Variants in C1orf116 observed in about 807,000 individuals in gnomAD.
C1orf116 encodes specifically androgen-regulated gene protein.
In C1orf116, 12 loss-of-function variants were observed where a neutral mutation model predicts 14.1. That is an observed-to-expected ratio of 0.85 (90% CI 0.54 to 1.38). The LOEUF is 1.38. C1orf116 is among the 40% of genes most tolerant of loss of function. The pLI, the probability that C1orf116 is intolerant of heterozygous loss-of-function variation, is 0.00. For missense variants in C1orf116, 797 were observed against 747.0 expected (o/e 1.07, Z -0.78); for synonymous variants, 296 against 299.0 (o/e 0.99, Z 0.10).
intron 3 of C1orf116, among the ~76,000 whole-genome samples, chr1:207,024,269 A>G (rs1681984042): frequency 6.6e-6 from 1 of 152,242 alleles, no homozygotes; most frequent in South Asian, 2.1e-4. Flanking sequence ...TATTTGCTAA[A>G]TGAAACAACA....
intron 1 of C1orf116, among the ~76,000 whole-genome samples, chr1:207,029,929 A>C (rs1032986107): frequency 6.6e-6 from 1 of 152,240 alleles, no homozygotes; most frequent in Admixed American, 6.5e-5. Flanking sequence ...GGGTGAGCAG[A>C]TGCTGCCTCT....
chr1:207,027,739 G>T, intron 1 of C1orf116, 60 bp from the exon 2 acceptor site: 1 of 1,446,878 alleles, frequency 6.9e-7, no homozygotes, highest in Non-Finnish European at 9.1e-7. Flanking sequence ...CTCTGCCCAG[G>T]CCCTGGGCGG....
At chr1:207,024,571 C>T (rs1682011608) in intron 3 of C1orf116, among the ~76,000 whole-genome samples, 1 of 152,242 alleles carries the variant, frequency 6.6e-6, no homozygotes, top group Non-Finnish European at 1.5e-5. Flanking sequence ...CCCAGCCCTC[C>T]CTGACTCCCT....
At chr1:207,023,918 A>G (rs1381130101) in intron 3 of C1orf116, among the ~76,000 whole-genome samples, 3 of 152,188 alleles carry the variant, frequency 2.0e-5, no homozygotes, top group African/African-American at 7.2e-5. Context: ...ACCTCTCCCC[A>G]GTTTTCTACA....
chr1:207,027,775 C>G, intron 1 of C1orf116, 96 bp from the exon 2 acceptor site: 1 of 1,349,188 alleles, frequency 7.4e-7, no homozygotes, highest in Non-Finnish European at 9.8e-7. Flanking sequence ...ACCAAGCAAG[C>G]AGAGAGCTGG....
chr1:207,025,985 T>C (rs1682063624), intron 2 of C1orf116, among the ~76,000 whole-genome samples: 3 of 152,222 alleles, frequency 2.0e-5, no homozygotes, highest in Admixed American at 1.3e-4. Flanking sequence ...AGAAGTTTGC[T>C]GGAATAGTTG....
intron 1 of C1orf116, among the ~76,000 whole-genome samples, chr1:207,029,649 T>C (rs1682186367): frequency 6.6e-6 from 1 of 152,244 alleles, no homozygotes; most frequent in Non-Finnish European, 1.5e-5. Context: ...GTTTCTAACC[T>C]ATAACTGTCA....
chr1:207,022,271 T>G lies in C1orf116; in HGVS notation c.1493A>C (p.Glu498Ala). 1 of 1,613,788 alleles carries G rather than the reference T, an allele frequency of 6.2e-7. No individual in the cohort carries two copies. The highest frequency in any genetic ancestry group is 8.5e-7 in the Non-Finnish European group (1 of 1,179,868). ...GVGLSSYLST[E>A]KDASPKTSTS... is the part of the protein sequence containing the mutation. ...GCTGGTTTTGGGGCTGGCATCTTTC[T>G]CAGTTGAAAGGTAGCTGCTCAGTCC... Residue 498 changes from glutamate (E) to alanine (A), a missense_variant, in exon 4 of 4, where the codon GAG becomes GCG. Glu to Ala is a moderately radical substitution (Grantham distance 107). Transcript: ENST00000359470.
intron 1 of C1orf116, among the ~76,000 whole-genome samples, chr1:207,028,657 T>A (rs1682153737): frequency 6.6e-6 from 1 of 152,208 alleles, no homozygotes; most frequent in Admixed American, 6.5e-5. Context: ...GAAAAAAAGT[T>A]TCAATGTCAT....
intron 3 of C1orf116, among the ~76,000 whole-genome samples, chr1:207,023,941 T>C (rs1297945387): frequency 6.6e-6 from 1 of 152,200 alleles, no homozygotes; most frequent in East Asian, 1.9e-4. Flanking sequence ...GGCACCAGGG[T>C]TGGAGATAAA....
At chr1:207,026,222 C>T (rs1041150039) in intron 2 of C1orf116, among the ~76,000 whole-genome samples, 1 of 152,204 alleles carries the variant, frequency 6.6e-6, no homozygotes, top group Non-Finnish European at 1.5e-5. Flanking sequence ...CCATTTGCCT[C>T]TGGAACTTCC....
At chr1:207,027,238 C>A (rs573343832) in intron 2 of C1orf116, among the ~76,000 whole-genome samples, 2 of 152,330 alleles carry the variant, frequency 1.3e-5, no homozygotes, top group Admixed American at 6.5e-5. Flanking sequence ...TCTGCTCAAC[C>A]CAACCCCCAA....
chr1:207,027,706 C>G, intron 1 of C1orf116, 27 bp from the exon 2 acceptor site: 2 of 1,508,412 alleles, frequency 1.3e-6, no homozygotes, highest in Non-Finnish European at 1.8e-6. Flanking sequence ...CAAAGCCACA[C>G]ATGAGCCGAG....
In C1orf116 at chr1:207,021,954, G is replaced by A; in HGVS notation, c.*4C>T. ...CAGGACAGGGTCTGTACTGGTCGCA[G>A]AGTCTACTCCTTCAACAGTCCCAGC... is the stretch of plus-strand genomic sequence containing the variant. On this transcript the variant is annotated 3_prime_UTR_variant, in exon 4 of 4. Transcript: ENST00000359470. 1 of 1,518,704 alleles carries A rather than the reference G, an allele frequency of 6.6e-7. No individual in the cohort carries two copies. The highest frequency in any genetic ancestry group is 1.3e-5 in the South Asian group (1 of 75,064). The allele number at this position is 1,518,704 out of a possible 1,614,324, so 94.1% of individuals were successfully genotyped here.
chr1:207,026,884 G>A (rs886924006), intron 2 of C1orf116, among the ~76,000 whole-genome samples: 1 of 152,206 alleles, frequency 6.6e-6, no homozygotes, highest in Admixed American at 6.5e-5. Context: ...TCTGCTCCTA[G>A]AAAGGCTGAT....
In C1orf116 at chr1:207,023,215, A is replaced by T; in HGVS notation, c.549T>A (p.Pro183=). ...VSQSSQPRQA[P]ASPQEAALDL... ...CAAGGGCAGCCTCCTGGGGGCTGGC[A>T]GGTGCCTGCCTGGGTTGGCTGCTCT... Residue 183 remains proline, a synonymous_variant, in exon 4 of 4, where the codon CCT becomes CCA. Coordinates refer to ENST00000359470, the MANE Select transcript of C1orf116 (RefSeq NM_023938.6). 1 of 1,609,788 alleles carries T rather than the reference A, an allele frequency of 6.2e-7. No homozygotes were observed. The highest frequency in any genetic ancestry group is 8.5e-7 in the Non-Finnish European group (1 of 1,177,768).
chr1:207,025,029 C>T lies in C1orf116; in HGVS notation c.141G>A (p.Glu47=). Residue 47 remains glutamate (E), a synonymous_variant, in exon 3 of 4, where the codon GAG becomes GAA. Coordinates refer to ENST00000359470, the MANE Select transcript of C1orf116 (RefSeq NM_023938.6). The stretch of plus-strand genomic sequence containing the variant: ...CCTCCAGGAAGAGCAGACACTCCTT[C>T]TCTTCAGTGGACAGGAAGTCGTAGC... The part of the protein sequence containing the change: ...DSSYDFLSTE[E]KECLLFLEET... 3 of 1,482,408 alleles carry T rather than the reference C, an allele frequency of 2.0e-6. No individual in the cohort carries two copies. Among genetic ancestry groups the T allele is most frequent in the Non-Finnish European group, 1.8e-6 (2 of 1,100,818 alleles). 91.8% of individuals were successfully genotyped at this position (1,482,408 alleles called of 1,614,324 possible). A position where few individuals can be genotyped will look rare whatever the true frequency, so the allele number is the denominator to read the frequency against.
In C1orf116 at chr1:207,023,491, C is replaced by T. The variant is rs187528761; in HGVS notation, c.284-11G>A. On this transcript the variant is annotated splice_polypyrimidine_tract_variant and intron_variant, in intron 3 of 3. Transcript: ENST00000359470. ...TCTCCTCTGGACCTCCTGTGAGGGTCAGAAAGAACATAAAAGAGTGGACAG... is the reference window on the plus strand; with the variant it reads ...TCTCCTCTGGACCTCCTGTGAGGGTTAGAAAGAACATAAAAGAGTGGACAG... The T allele has an allele frequency of 7.3e-5, 116 of 1,587,686 alleles. 1 individual carries two copies. In the East Asian group the frequency reaches 2.5e-3, roughly 35 times the overall value.
intron 1 of C1orf116, among the ~76,000 whole-genome samples, chr1:207,029,089 T>C (rs1275695622): frequency 1.3e-5 from 2 of 152,042 alleles, no homozygotes; most frequent in African/African-American, 4.8e-5. Flanking sequence ...TGGGCTGGGT[T>C]GGGTGAGTCA....
Sources: gnomAD v4.1 joint callset for allele counts (sites outside exome capture counted in the v4.1 genomes callset) on GRCh38, gnomAD v4.1.1 for gene constraint, MANE v1.5 for transcripts, NCBI Gene and HGNC (gene_info 2026-07-23, HGNC 2026-07-21) for gene names.